ASB3: variants seen among roughly 807,000 people sequenced by gnomAD.
ASB3 encodes the protein ankyrin repeat and SOCS box protein 3.
ASB3 carries 41 observed loss-of-function variants against 54.5 expected under a neutral mutation model. That is an observed-to-expected ratio of 0.75 (90% CI 0.59 to 0.98). The LOEUF (loss-of-function observed/expected upper bound fraction) is 0.98, where lower values mean the gene tolerates loss of function less well. ASB3 is among the 50% of genes least tolerant of loss of function. The pLI is 0.00. For missense variants in ASB3, 733 were observed against 620.0 expected (o/e 1.18, Z -1.94); for synonymous variants, 266 against 221.2 (o/e 1.20, Z -1.80).
chr2:53,781,279 G>A (rs1022473236), intron 1 of ASB3, among the ~76,000 whole-genome samples: 2 of 151,960 alleles, frequency 1.3e-5, no homozygotes, highest in Non-Finnish European at 2.9e-5. Context: ...AGGCGTGGTG[G>A]TGCACACCTG....
intron 9 of ASB3, among the ~76,000 whole-genome samples, chr2:53,686,133 G>A (rs1234343487): frequency 2.0e-5 from 3 of 152,166 alleles, no homozygotes; most frequent in Non-Finnish European, 4.4e-5. Flanking sequence ...GCCTCTTGAA[G>A]TGCTACTCTC....
intron 1 of ASB3, among the ~76,000 whole-genome samples, chr2:53,784,505 G>C (rs1674825124): frequency 6.6e-6 from 1 of 152,212 alleles, no homozygotes; most frequent in Non-Finnish European, 1.5e-5. Flanking sequence ...CTAGAAACTA[G>C]AGGTCAGAAA....
chr2:53,737,724 G>GAAAA (rs543660229), intron 3 of ASB3, among the ~76,000 whole-genome samples: 18 of 63,890 alleles, frequency 2.8e-4, no homozygotes, highest in Non-Finnish European at 3.6e-4. Flanking sequence ...TTTAAAAAAG[G>GAAAA]AAAAAAAAAA....
At chr2:53,694,636 C>T (rs1003171910) in intron 8 of ASB3, 1 of 152,114 alleles carries the variant, frequency 6.6e-6, no homozygotes, top group Non-Finnish European at 1.5e-5. Flanking sequence ...CCTACCAACC[C>T]ACTCAAAAGA....
intron 3 of ASB3, among the ~76,000 whole-genome samples, chr2:53,730,457 T>C (rs1031531823): frequency 2.0e-5 from 3 of 152,140 alleles, no homozygotes; most frequent in Non-Finnish European, 4.4e-5. Context: ...AGAAAGAAGA[T>C]TTAAGTTGAT....
At position 53,765,577 on chromosome 2, in the gene ASB3, T is replaced by C. The variant is rs756720262; in HGVS notation, c.-5A>G. On this transcript the variant is annotated 5_prime_UTR_variant, in exon 2 of 10. Coordinates refer to ENST00000263634, the MANE Select transcript of ASB3 (RefSeq NM_016115.5). The stretch of plus-strand genomic sequence containing the variant: ...GTAAGCCTCTGTAAAATCCATTTGT[T>C]TGACCAGTCTACAAAACAAGGTAGA... The C allele has an allele frequency of 2.5e-5, 40 of 1,614,056 alleles. No homozygotes were observed. In the Admixed American group the frequency reaches 6.5e-4, roughly 26 times the overall value.
chr2:53,711,768 T>C (rs1418814454), intron 7 of ASB3, among the ~76,000 whole-genome samples: 1 of 150,928 alleles, frequency 6.6e-6, no homozygotes. Context: ...AGCGAGACAG[T>C]CTCAAAAAAA....
chr2:53,728,866 T>C lies in ASB3; in HGVS notation c.469-19A>G, dbSNP rs754887067. 1.3e-6 allele frequency: 2 copies of C among 1,562,272 alleles called. No individual in the cohort carries two copies. The highest frequency in any genetic ancestry group is 1.7e-6 in the Non-Finnish European group (2 of 1,155,634). ...CATTTTCCTAAAGCACAGATTCACA[T>C]TTTAAATAAGAAAAAAACAAAGAAA... On this transcript the variant is annotated intron_variant, in intron 4 of 9. Transcript: ENST00000263634.
At chr2:53,705,778 T>A (rs1175032598) in intron 7 of ASB3, among the ~76,000 whole-genome samples, 2 of 152,240 alleles carry the variant, frequency 1.3e-5, no homozygotes, top group Non-Finnish European at 1.5e-5. Flanking sequence ...TTCTCTTTTG[T>A]ACTTCTGTGT....
chr2:53,724,791 C>G (rs1353844703), intron 5 of ASB3, among the ~76,000 whole-genome samples: 2 of 151,726 alleles, frequency 1.3e-5, no homozygotes, highest in South Asian at 2.1e-4. Context: ...ACAACAGATG[C>G]TAGAGAGGTT....
chr2:53,757,144 C>A (rs1480628631), intron 2 of ASB3, among the ~76,000 whole-genome samples: 2 of 152,164 alleles, frequency 1.3e-5, no homozygotes, highest in African/African-American at 2.4e-5. Context: ...TAATATTGGA[C>A]CACTTTCACT....
At chr2:53,705,848 G>A (rs1038044161) in intron 7 of ASB3, among the ~76,000 whole-genome samples, 3 of 151,536 alleles carry the variant, frequency 2.0e-5, no homozygotes, top group Non-Finnish European at 4.4e-5. Flanking sequence ...GTAAATATTT[G>A]TAAATTACAA....
At chr2:53,720,962 C>CA (rs1259787925) in intron 5 of ASB3, among the ~76,000 whole-genome samples, 4 of 151,130 alleles carry the variant, frequency 2.6e-5, no homozygotes. Flanking sequence ...ACTAAAAATA[C>CA]AAAAAAATTA....
intron 3 of ASB3, among the ~76,000 whole-genome samples, chr2:53,741,180 G>A (rs1671912861): frequency 1.3e-5 from 2 of 152,284 alleles, no homozygotes; most frequent in South Asian, 4.1e-4. Flanking sequence ...TTATGTAGGA[G>A]CAACATTTCC....
chr2:53,733,553 T>C (rs1312968564), intron 3 of ASB3, among the ~76,000 whole-genome samples: 1 of 152,096 alleles, frequency 6.6e-6, no homozygotes, highest in African/African-American at 2.4e-5. Context: ...GCGGTTCTCC[T>C]GCGTCAGCCT....
chr2:53,693,805 T>C, intron 9 of ASB3, 79 bp downstream of exon 9: 6 of 1,536,818 alleles, frequency 3.9e-6, no homozygotes, highest in Non-Finnish European at 5.3e-6. Context: ...ATGAATCTTA[T>C]CACTTAAAAT....
chr2:53,715,042 A>G (rs1468486438), intron 6 of ASB3, among the ~76,000 whole-genome samples: 1 of 152,156 alleles, frequency 6.6e-6, no homozygotes, highest in Non-Finnish European at 1.5e-5. Flanking sequence ...ATTTTTAAAG[A>G]TGATAACTGG....
intron 1 of ASB3, among the ~76,000 whole-genome samples, chr2:53,770,378 T>C (rs1400381717): frequency 6.6e-6 from 1 of 152,070 alleles, no homozygotes; most frequent in Non-Finnish European, 1.5e-5. Flanking sequence ...AGGCTCGCTA[T>C]GTGCCAGACA....
chr2:53,765,904 T>C (rs1362929067), intron 1 of ASB3, among the ~76,000 whole-genome samples: 1 of 103,270 alleles, frequency 9.7e-6, no homozygotes, highest in Non-Finnish European at 2.7e-5. Flanking sequence ...AACGCATTCT[T>C]TGGTGCTCCA....
Sources: gnomAD v4.1 joint callset for allele counts (sites outside exome capture counted in the v4.1 genomes callset) on GRCh38, gnomAD v4.1.1 for gene constraint, MANE v1.5 for transcripts, NCBI Gene and HGNC (gene_info 2026-07-23, HGNC 2026-07-21) for gene names.